Variants in FBP2 observed in about 807,000 individuals in gnomAD.
The protein encoded by FBP2 is fructose-bisphosphatase 2, also known as fructose-1,6-bisphosphatase isozyme 2.
A neutral mutation model predicts 31.6 loss-of-function variants in FBP2; 27 were observed. That is an observed-to-expected ratio of 0.85 (90% CI 0.63 to 1.18). FBP2 has a LOEUF of 1.18. Among genes scored for constraint, FBP2 ranks in the 50% most tolerant of loss-of-function variants. FBP2 has a pLI of 0.00. For synonymous variants in FBP2, 168 were observed against 179.8 expected (o/e 0.93, Z 0.53); for missense variants, 421 against 436.1 (o/e 0.97, Z 0.31).
At chr9:94,571,634 ATTG>A in intron 3 of FBP2, 32 bp from the exon 4 acceptor site, 1 of 1,590,312 alleles carries the variant, frequency 6.3e-7, no homozygotes, top group Non-Finnish European at 8.6e-7. Flanking sequence ...GCCATGTGTT[ATTG>A]TTGTCTCTGG....
At chr9:94,564,897 A>G (rs1054863299) in intron 5 of FBP2, among the ~76,000 whole-genome samples, 1 of 152,214 alleles carries the variant, frequency 6.6e-6, no homozygotes, top group Non-Finnish European at 1.5e-5. Flanking sequence ...ATATTTAACA[A>G]TAATATATGA....
intron 3 of FBP2, among the ~76,000 whole-genome samples, chr9:94,583,847 T>A (rs1006302439): frequency 6.6e-6 from 1 of 152,156 alleles, no homozygotes; most frequent in South Asian, 2.1e-4. Flanking sequence ...CCTCAAGTGA[T>A]CCGCCCGCCT....
At chr9:94,577,731 AAGTT>A (rs1587842900) in intron 3 of FBP2, 1 of 152,248 alleles carries the variant, frequency 6.6e-6, no homozygotes, top group Admixed American at 6.5e-5. Context: ...AGGGCAAACA[AAGTT>A]AGCCACGTGG....
At chr9:94,560,424 C>CA (rs1452511342) in intron 6 of FBP2, among the ~76,000 whole-genome samples, 2 of 152,154 alleles carry the variant, frequency 1.3e-5, no homozygotes, top group African/African-American at 4.8e-5. Context: ...TGACTCACAA[C>CA]ACACACCCCC....
intron 6 of FBP2, among the ~76,000 whole-genome samples, chr9:94,562,619 G>A (rs1004591746): frequency 2.0e-5 from 3 of 152,102 alleles, no homozygotes; most frequent in Admixed American, 6.5e-5. Flanking sequence ...GCTGGTTGTT[G>A]GTGTGTCAGA....
At chr9:94,578,266 T>C (rs1039745504) in intron 3 of FBP2, among the ~76,000 whole-genome samples, 2 of 152,238 alleles carry the variant, frequency 1.3e-5, no homozygotes, top group African/African-American at 2.4e-5. Flanking sequence ...TCCTCTGAGC[T>C]ATTGGCAAAA....
At position 94,571,446 on chromosome 9, in the gene FBP2, C is replaced by T. The variant is rs1346312457; in HGVS notation, c.567+16G>A. 1 of 1,595,246 alleles carries T rather than the reference C, an allele frequency of 6.3e-7. No individual in the cohort carries two copies. Among genetic ancestry groups the T allele is most frequent in the Non-Finnish European group, 8.5e-7 (1 of 1,170,888 alleles). On this transcript the variant is annotated intron_variant, in intron 4 of 6. Transcript: ENST00000375337. The stretch of plus-strand genomic sequence containing the variant: ...TGGAGTCCCCAGGCACAGATGATGC[C>T]ATATTCTGTACCTACCGGGTCAAGC...
At chr9:94,570,187 G>C (rs1198551080) in intron 4 of FBP2, 1 of 152,230 alleles carries the variant, frequency 6.6e-6, no homozygotes. Context: ...CTGTGCCTGG[G>C]AATCTTTGAA....
intron 1 of FBP2, among the ~76,000 whole-genome samples, chr9:94,587,894 G>C (rs1272349414): frequency 6.6e-6 from 1 of 152,056 alleles, no homozygotes; most frequent in Non-Finnish European, 1.5e-5. Flanking sequence ...TGTCGCCCAG[G>C]CTGGAGTGCA....
Position 94,571,705 on chromosome 9 carries a change from G to A in FBP2, c.427-103C>T, listed in dbSNP as rs3892541. 1.7e-3 allele frequency: 1,794 copies of A among 1,076,450 alleles called. 19 individuals are homozygous for A. The African/African-American group carries it at 0.026, about 15-fold the overall frequency. The allele number at this position is 1,076,450 out of a possible 1,614,324, so 66.7% of individuals were successfully genotyped here. A position where few individuals can be genotyped will look rare whatever the true frequency, so the allele number is the denominator to read the frequency against. On this transcript the variant is annotated intron_variant, in intron 3 of 6. Coordinates refer to ENST00000375337, the MANE Select transcript of FBP2 (RefSeq NM_003837.4). The stretch of plus-strand genomic sequence containing the variant: ...ATCTCCTCGAATCACTGAAGGAAGC[G>A]CGGTTCTTTGAATTTTAAGCTGCTG...
At chr9:94,583,887 G>A (rs552044165) in intron 3 of FBP2, among the ~76,000 whole-genome samples, 20 of 152,322 alleles carry the variant, frequency 1.3e-4, no homozygotes, top group Admixed American at 4.6e-4. Flanking sequence ...GATTACAGGC[G>A]TGAGCCACCG....
chr9:94,570,791 A>T (rs1367569629), intron 4 of FBP2: 2 of 152,136 alleles, frequency 1.3e-5, no homozygotes, highest in African/African-American at 4.8e-5. Context: ...AAATTTTGCA[A>T]ACCCCTCTCT....
At chr9:94,577,272 TC>T (rs1289442641) in intron 3 of FBP2, 1 of 152,246 alleles carries the variant, frequency 6.6e-6, no homozygotes, top group Non-Finnish European at 1.5e-5. Context: ...TACATCTCTT[TC>T]TTTTCTTTTT....
intron 5 of FBP2, among the ~76,000 whole-genome samples, chr9:94,565,385 A>AAAG (rs773350863): frequency 0.085 from 11,453 of 134,708 alleles, 1,395 homozygotes; most frequent in African/African-American, 0.22. Flanking sequence ...AAAAAAAAAA[A>AAAG]AGATGTTCCC....
chr9:94,593,458 A>T, intron 1 of FBP2, 99 bp downstream of exon 1: 1 of 1,171,986 alleles, frequency 8.5e-7, no homozygotes, highest in Non-Finnish European at 1.2e-6. Flanking sequence ...CAGGGCCAAT[A>T]AGCTTTGGAC....
intron 3 of FBP2, among the ~76,000 whole-genome samples, chr9:94,583,853 C>T (rs1480600696): frequency 2.0e-5 from 3 of 152,186 alleles, no homozygotes; most frequent in Admixed American, 6.5e-5. Flanking sequence ...GTGATCCGCC[C>T]GCCTCAGCCT....
rs1297324779 is a variant in FBP2, at chr9:94,591,014, A to G, written c.170+2543T>C. 3.3e-5 allele frequency among the ~76,000 whole-genome samples: 5 copies of G among 150,978 alleles called. No individual in the cohort carries two copies. In the Admixed American group the frequency reaches 3.3e-4, roughly 10 times the overall value. ...ACACAGGGTGCTGATTGGTGTATTT[A>G]CAATCCCTGAGCTAGATATAAAGAC... On this transcript the variant is annotated intron_variant, in intron 1 of 6. Transcript: ENST00000375337.
At chr9:94,568,018 CT>C (rs1789921043) in intron 4 of FBP2, 1 of 151,910 alleles carries the variant, frequency 6.6e-6, no homozygotes, top group Non-Finnish European at 1.5e-5. Context: ...GTCCCAGCTA[CT>C]CGGGGGGCTG....
At chr9:94,568,446 A>G (rs979328734) in intron 4 of FBP2, 3 of 152,174 alleles carry the variant, frequency 2.0e-5, no homozygotes, top group Admixed American at 6.5e-5. Flanking sequence ...TGTGGCAGAT[A>G]CCACCTTAAA....
Sources: allele counts gnomAD v4.1 joint callset (sites outside exome capture counted in the v4.1 genomes callset), GRCh38; gene constraint gnomAD v4.1.1; transcripts MANE v1.5; gene names NCBI Gene and HGNC (gene_info 2026-07-23, HGNC 2026-07-21).